The following DACH2 variants were observed in gnomAD, a reference collection of about 807,000 sequenced individuals.
DACH2 encodes the protein dachshund homolog 2.
DACH2 carries 17 observed loss-of-function variants against 35.8 expected under a neutral mutation model. That is an observed-to-expected ratio of 0.48 (90% CI 0.33 to 0.71). The LOEUF (loss-of-function observed/expected upper bound fraction) is 0.71. Among genes scored for constraint, DACH2 ranks in the 30% least tolerant of loss-of-function variants. The probability of loss-of-function intolerance (pLI) is 0.02; values close to 1 mark genes in which losing one functional copy is unlikely to be tolerated. For synonymous variants in DACH2, 195 were observed against 177.3 expected, an observed-to-expected ratio of 1.10 and a Z score of -0.79; for missense variants, 469 against 472.7, an observed-to-expected ratio of 0.99 and a Z score of 0.07.
At chrX:86,437,015 T>G (rs1468536788) in intron 2 of DACH2, among the ~76,000 whole-genome samples, 1 of 111,202 alleles carries the variant, frequency 9.0e-6, no homozygotes, top group Non-Finnish European at 1.9e-5. Flanking sequence ...CTGACATTAG[T>G]GATTGGAGTC....
intron 2 of DACH2, among the ~76,000 whole-genome samples, chrX:86,425,744 G>A (rs1353658228): frequency 7.2e-5 from 8 of 110,742 alleles, no homozygotes; most frequent in Admixed American, 2.9e-4. Context: ...CTTACTCTGA[G>A]TTATAGTGAA....
intron 3 of DACH2, among the ~76,000 whole-genome samples, chrX:86,519,508 A>G (rs765900656): frequency 9.0e-6 from 1 of 111,561 alleles, no homozygotes; most frequent in Non-Finnish European, 1.9e-5. Context: ...AAATTTAGCT[A>G]TGAATCCAAC....
In DACH2 at chrX:86,292,601, G is replaced by A. The variant is rs375880608; in HGVS notation, c.489-84223G>A. On this transcript the variant is annotated intron_variant, in intron 1 of 11. Transcript: ENST00000373125. ...TCCCTCTACACACTGCTTTGAATGC[G>A]TCCCAGAGATTCTGGTATGTTGTGT... 1.8e-3 allele frequency among the ~76,000 whole-genome samples: 198 copies of A among 110,365 alleles called. 1 individual carries two copies. The highest frequency in any genetic ancestry group is 5.6e-3 in the African/African-American group (171 of 30,283).
At chrX:86,785,622 T>C (rs1268842803) in intron 7 of DACH2, among the ~76,000 whole-genome samples, 2 of 111,904 alleles carry the variant, frequency 1.8e-5, no homozygotes, top group Non-Finnish European at 3.8e-5. Context: ...CAACTCTTTC[T>C]GGGAGTTTTG....
At chrX:86,445,768 G>C (rs757821625) in intron 2 of DACH2, among the ~76,000 whole-genome samples, 44 of 110,533 alleles carry the variant, frequency 4.0e-4, no homozygotes, top group Admixed American at 3.9e-3. Flanking sequence ...GACTTGTTTT[G>C]TGGCATAATA....
At chrX:86,599,726 C>T (rs1372747802) in intron 3 of DACH2, among the ~76,000 whole-genome samples, 1 of 110,135 alleles carries the variant, frequency 9.1e-6, no homozygotes, top group Non-Finnish European at 1.9e-5. Flanking sequence ...GAACTCCTGA[C>T]CTCAAGTGAT....
intron 1 of DACH2, among the ~76,000 whole-genome samples, chrX:86,344,143 G>T (rs1296368327): frequency 9.1e-6 from 1 of 109,947 alleles, no homozygotes; most frequent in African/African-American, 3.3e-5. Context: ...ATTTCACATT[G>T]CATGCCTGTA....
chrX:86,291,127 A>C (rs1342653892), intron 1 of DACH2, among the ~76,000 whole-genome samples: 1 of 105,786 alleles, frequency 9.5e-6, no homozygotes, highest in Non-Finnish European at 1.9e-5. Context: ...TTCTCCTTGA[A>C]GAGGTCCTTC....
chrX:86,410,420 G>C (rs908175106), intron 2 of DACH2, among the ~76,000 whole-genome samples: 1 of 111,526 alleles, frequency 9.0e-6, no homozygotes, highest in Non-Finnish European at 1.9e-5. Flanking sequence ...ATTAAACATT[G>C]TTGCCTAATA....
intron 1 of DACH2, among the ~76,000 whole-genome samples, chrX:86,369,538 A>G (rs1391226062): frequency 9.0e-6 from 1 of 110,740 alleles, no homozygotes; most frequent in Non-Finnish European, 1.9e-5. Flanking sequence ...ACTAAACCAG[A>G]TAGGATTATC....
At chrX:86,228,395 CAT>C (rs2032873017) in intron 1 of DACH2, among the ~76,000 whole-genome samples, 1 of 107,032 alleles carries the variant, frequency 9.3e-6, no homozygotes, top group Non-Finnish European at 1.9e-5. Context: ...CTGCAGTAAA[CAT>C]GTGTATGCAA....
intron 1 of DACH2, among the ~76,000 whole-genome samples, chrX:86,274,074 T>C (rs1486047226): frequency 8.9e-6 from 1 of 111,827 alleles, no homozygotes; most frequent in African/African-American, 3.3e-5. Flanking sequence ...GAAAGATAAA[T>C]ATATATTGAC....
intron 4 of DACH2, among the ~76,000 whole-genome samples, chrX:86,676,997 A>T (rs2040831963): frequency 1.8e-5 from 2 of 111,810 alleles, no homozygotes; most frequent in Admixed American, 9.6e-5. Context: ...CAAATGAGAT[A>T]ATAAGAATAA....
intron 2 of DACH2, among the ~76,000 whole-genome samples, chrX:86,411,585 A>G (rs961091843): frequency 8.9e-6 from 1 of 111,737 alleles, no homozygotes; most frequent in African/African-American, 3.3e-5. Flanking sequence ...CCCTAATACT[A>G]TTATATAAAG....
intron 4 of DACH2, among the ~76,000 whole-genome samples, chrX:86,670,627 T>A (rs2040753835): frequency 9.0e-6 from 1 of 111,663 alleles, no homozygotes; most frequent in Admixed American, 9.5e-5. Flanking sequence ...TCTGCCTATC[T>A]TTTTGGCTGA....
chrX:86,437,107 T>C (rs2037079829), intron 2 of DACH2, among the ~76,000 whole-genome samples: 1 of 111,399 alleles, frequency 9.0e-6, no homozygotes, highest in Admixed American at 9.6e-5. Flanking sequence ...TTCTATTCCT[T>C]GTTTTTCTCT....
chrX:86,555,408 T>G (rs1323102695), intron 3 of DACH2, among the ~76,000 whole-genome samples: 1 of 111,590 alleles, frequency 9.0e-6, no homozygotes, highest in African/African-American at 3.3e-5. Context: ...CCTAGTGCTA[T>G]GTACGCTATC....
At chrX:86,381,266 C>T (rs1053611432) in intron 2 of DACH2, among the ~76,000 whole-genome samples, 3 of 110,674 alleles carry the variant, frequency 2.7e-5, no homozygotes, top group African/African-American at 9.8e-5. Flanking sequence ...AATGAATGAT[C>T]TGTTTGAAGA....
chrX:86,654,471 C>T (rs1434004931), intron 4 of DACH2, among the ~76,000 whole-genome samples: 1 of 94,135 alleles, frequency 1.1e-5, no homozygotes, highest in African/African-American at 3.9e-5. Context: ...TTACAATTTT[C>T]ATGGTGAAAT....
Sources: allele counts gnomAD v4.1 joint callset (sites outside exome capture counted in the v4.1 genomes callset), GRCh38; gene constraint gnomAD v4.1.1; transcripts MANE v1.5; gene names NCBI Gene and HGNC (gene_info 2026-07-23, HGNC 2026-07-21).